The following MED10 variants were observed in gnomAD, a reference collection of about 807,000 sequenced individuals.
MED10 encodes the protein mediator complex subunit 10, also known as mediator of RNA polymerase II transcription subunit 10.
In MED10, 9 loss-of-function variants were observed where a neutral mutation model predicts 17.2. The observed-to-expected ratio is 0.52, with a 90% CI of 0.31 to 0.91. The LOEUF is 0.91. Among genes scored for constraint, MED10 ranks in the 40% least tolerant of loss-of-function variants. The pLI is 0.04. For missense variants in MED10, 129 were observed against 164.8 expected, an observed-to-expected ratio of 0.78 and a Z score of 1.19; for synonymous variants, 66 against 59.8, an observed-to-expected ratio of 1.10 and a Z score of -0.48.
rs1413244943 is a variant in MED10, at chr5:6,376,998, G to T, written c.206+168C>A. The T allele has an allele frequency of 1.1e-5, 5 of 439,696 alleles. No homozygotes were observed. The East Asian group carries it at 1.7e-4, about 15-fold the overall frequency. 27.2% of individuals were successfully genotyped at this position (439,696 alleles called of 1,614,324 possible). ...TTAGAACGGAAGTTCCATAAGGGCA[G>T]GTATTTTTGTATTTTTGTCTATTTT... On this transcript the variant is annotated intron_variant, in intron 2 of 3. Coordinates refer to ENST00000255764, the MANE Select transcript of MED10 (RefSeq NM_032286.3).
rs762447343 is a variant in MED10, at chr5:6,377,196, T to TG, written c.175dup (p.His59ProfsTer2). ...AACTTCTAACGGTACAGTAATATCA[T>TG]GAAGCTGCTGTCTGCACTTGTCAAT... On this transcript the variant is annotated frameshift_variant, in exon 2 of 4. Coordinates refer to ENST00000255764, the MANE Select transcript of MED10 (RefSeq NM_032286.3). LOFTEE classifies it high-confidence loss of function. 6.2e-7 allele frequency: 1 copy of TG among 1,610,388 alleles called. No individual in the cohort carries two copies. The highest frequency in any genetic ancestry group is 8.5e-7 in the Non-Finnish European group (1 of 1,178,202).
In MED10 at chr5:6,374,462, G is replaced by A. The variant is rs200589967; in HGVS notation, c.207-36C>T. ...GATATATTTCAATTAGCATTCTCATGACTGACACCTATTCTCACAGCTTTC... is the reference window on the plus strand; with the variant it reads ...GATATATTTCAATTAGCATTCTCATAACTGACACCTATTCTCACAGCTTTC... On this transcript the variant is annotated intron_variant, in intron 2 of 3. Transcript: ENST00000255764. 1.1e-4 allele frequency: 155 copies of A among 1,378,460 alleles called. No individual in the cohort carries two copies. The East Asian group carries it at 3.5e-3, about 31-fold the overall frequency. 85.4% of individuals were successfully genotyped at this position (1,378,460 alleles called of 1,614,324 possible). A position where few individuals can be genotyped will look rare whatever the true frequency, so the allele number is the denominator to read the frequency against.
At chr5:6,373,405 A>T (rs1275079389) in intron 3 of MED10, among the ~76,000 whole-genome samples, 1 of 152,166 alleles carries the variant, frequency 6.6e-6, no homozygotes, top group African/African-American at 2.4e-5. Context: ...GAACAAACAG[A>T]AAAAACAAAA....
chr5:6,374,514 G>C (rs949301647), intron 2 of MED10, 88 bp from the exon 3 acceptor site: 1 of 952,368 alleles, frequency 1.1e-6, no homozygotes, highest in Non-Finnish European at 1.7e-6. Flanking sequence ...ATAAAGGTTA[G>C]GTATATATAA....
intron 2 of MED10, 151 bp from the exon 3 acceptor site, chr5:6,374,577 T>C (rs893215424): frequency 3.3e-6 from 2 of 607,904 alleles, no homozygotes; most frequent in Non-Finnish European, 6.0e-6. Context: ...GGGGAATTAA[T>C]ATTCCCTCAT....
Position 6,372,669 on chromosome 5 carries a change from C to T in MED10, c.310-68G>A, listed in dbSNP as rs1737912570. On this transcript the variant is annotated intron_variant, in intron 3 of 3. Coordinates refer to ENST00000255764, the MANE Select transcript of MED10 (RefSeq NM_032286.3). Reference sequence around the variant, plus strand: ...ACTCCAATAACTATTTAAAATATGCCTTTTGGAAGTTTAAACACATGGCCC... The same window carrying T: ...ACTCCAATAACTATTTAAAATATGCTTTTTGGAAGTTTAAACACATGGCCC... 2.3e-5 allele frequency: 31 copies of T among 1,344,452 alleles called. No homozygotes were observed. The South Asian group carries it at 3.5e-4, about 15-fold the overall frequency. The allele number at this position is 1,344,452 out of a possible 1,614,324, so 83.3% of individuals were successfully genotyped here.
At chr5:6,373,668 TG>T (rs1737934381) in intron 3 of MED10, among the ~76,000 whole-genome samples, 1 of 152,074 alleles carries the variant, frequency 6.6e-6, no homozygotes, top group Admixed American at 6.5e-5. Flanking sequence ...TATTGTGAGC[TG>T]GGAGGAGAGG....
At chr5:6,378,302 T>C (rs941865626) in intron 1 of MED10, 60 bp downstream of exon 1, 1 of 1,495,870 alleles carries the variant, frequency 6.7e-7, no homozygotes, top group Non-Finnish European at 8.9e-7. Context: ...CCCGCTCCCC[T>C]AGCACACGCT....
intron 2 of MED10, 59 bp from the exon 3 acceptor site, chr5:6,374,485 T>C (rs771531959): frequency 1.5e-4 from 181 of 1,225,512 alleles, no homozygotes; most frequent in Non-Finnish European, 2.1e-4. Context: ...TCTCACAGCT[T>C]TCTGAAAGGT....
At chr5:6,372,913 G>C (rs900809497) in intron 3 of MED10, among the ~76,000 whole-genome samples, 1 of 152,194 alleles carries the variant, frequency 6.6e-6, no homozygotes, top group Non-Finnish European at 1.5e-5. Context: ...TGTTCACATG[G>C]AGAGAGACGT....
rs979862260 is a variant in MED10 at position 6,372,275 on chromosome 5, C to T, written c.*228G>A. 1.5e-5 allele frequency: 8 copies of T among 537,726 alleles called. No individual in the cohort carries two copies. The highest frequency in any genetic ancestry group is 2.6e-5 in the Non-Finnish European group (8 of 303,468). The allele number at this position is 537,726 out of a possible 1,614,324, so 33.3% of individuals were successfully genotyped here. ...TCCCCACAGTGATGAGGGGTCAGCA[C>T]TCTGAAAGCCAGTTGACGCCAGACA... On this transcript the variant is annotated 3_prime_UTR_variant, in exon 4 of 4. Transcript: ENST00000255764.
intron 1 of MED10, among the ~76,000 whole-genome samples, chr5:6,377,830 G>A (rs1738030288): frequency 6.6e-6 from 1 of 152,230 alleles, no homozygotes; most frequent in African/African-American, 2.4e-5. Flanking sequence ...GCACAAGGCT[G>A]TTGCCAAGAA....
Position 6,378,505 on chromosome 5 carries a change from C to G in MED10, c.-22G>C. ...CCATCGCCTCGGCCCGTCCCCGACC[C>G]ACACAGCCTCAACCAGCAGCGCCGC... On this transcript the variant is annotated 5_prime_UTR_variant, in exon 1 of 4. Transcript: ENST00000255764. 2 of 1,605,192 alleles carry G rather than the reference C, an allele frequency of 1.2e-6. No homozygotes were observed. The highest frequency in any genetic ancestry group is 8.5e-7 in the Non-Finnish European group (1 of 1,175,360).
At chr5:6,374,739 GC>G in intron 2 of MED10, 1 of 261,010 alleles carries the variant, frequency 3.8e-6, no homozygotes, top group Admixed American at 4.6e-5. Flanking sequence ...ATTCGTTCAT[GC>G]TATTTATTAC....
chr5:6,376,993 G>C (rs895117279), intron 2 of MED10, 173 bp downstream of exon 2: 1 of 436,538 alleles, frequency 2.3e-6, no homozygotes, highest in Non-Finnish European at 4.1e-6. Context: ...AGTTCCATAA[G>C]GGCAGGTATT....
At chr5:6,375,030 A>C (rs141299311) in intron 2 of MED10, among the ~76,000 whole-genome samples, 3 of 152,186 alleles carry the variant, frequency 2.0e-5, no homozygotes, top group African/African-American at 7.2e-5. Flanking sequence ...AGGCGGCTTG[A>C]TATACCACTT....
At chr5:6,375,489 G>T (rs1167406383) in intron 2 of MED10, among the ~76,000 whole-genome samples, 1 of 152,144 alleles carries the variant, frequency 6.6e-6, no homozygotes, top group Non-Finnish European at 1.5e-5. Flanking sequence ...AATGTAATGT[G>T]GCAAAATTAT....
At position 6,378,390 on chromosome 5, in the gene MED10, TG is replaced by T. The variant is rs1426440664; in HGVS notation, c.93del (p.Ser32AlafsTer10). 41 of 1,613,004 alleles carry T rather than the reference TG, an allele frequency of 2.5e-5. No homozygotes were observed. The highest frequency in any genetic ancestry group is 3.5e-5 in the Non-Finnish European group (41 of 1,179,738). ...TTTTGGTTGAGCCCGGCCTGGCTGC[TG>T]GGCTGGAAGTCACTGACGATGATGC... ...QLGIIVSDFQ[P>X]SSQAGLNQKL... On this transcript the variant is annotated frameshift_variant, in exon 1 of 4. Coordinates refer to ENST00000255764, the MANE Select transcript of MED10 (RefSeq NM_032286.3). LOFTEE classifies it high-confidence loss of function.
chr5:6,374,495 T>A, intron 2 of MED10, 69 bp from the exon 3 acceptor site: 1 of 1,127,384 alleles, frequency 8.9e-7, no homozygotes, highest in Non-Finnish European at 1.3e-6. Context: ...TTCTGAAAGG[T>A]ATGGGGGAAT....
Sources: allele counts gnomAD v4.1 joint callset (sites outside exome capture counted in the v4.1 genomes callset), GRCh38; gene constraint gnomAD v4.1.1; transcripts MANE v1.5; gene names NCBI Gene and HGNC (gene_info 2026-07-23, HGNC 2026-07-21).